CPS1: variants seen among roughly 807,000 people sequenced by gnomAD.
CPS1 encodes the protein carbamoyl-phosphate synthase 1, also known as carbamoyl-phosphate synthase [ammonia], mitochondrial.
CPS1 carries 109 observed loss-of-function variants against 174.6 expected under a neutral mutation model. That is an observed-to-expected ratio of 0.62 (90% confidence interval 0.53 to 0.73). The LOEUF is 0.73. CPS1 is among the 30% of genes least tolerant of loss of function. The probability of loss-of-function intolerance (pLI) is 0.00; values close to 1 mark genes in which losing one functional copy is unlikely to be tolerated. For synonymous variants in CPS1, 637 were observed against 632.0 expected (o/e 1.01, Z -0.12); for missense variants, 1,689 against 1,821.9 (o/e 0.93, Z 1.33).
intron 1 of CPS1, among the ~76,000 whole-genome samples, chr2:210,508,061 T>C (rs2105970867): frequency 6.6e-6 from 1 of 151,960 alleles, no homozygotes; most frequent in Non-Finnish European, 1.5e-5. Context: ...CCACCCCAAA[T>C]CAACAGAATA....
chr2:210,538,999 G>A (rs1042534429), intron 1 of CPS1, among the ~76,000 whole-genome samples: 1 of 152,110 alleles, frequency 6.6e-6, no homozygotes, highest in Non-Finnish European at 1.5e-5. Context: ...GGTACATAGT[G>A]TATTTTATTA....
chr2:210,543,653 A>G (rs1442080763), intron 1 of CPS1, among the ~76,000 whole-genome samples: 4 of 152,092 alleles, frequency 2.6e-5, no homozygotes, highest in Non-Finnish European at 4.4e-5. Flanking sequence ...TTGTAATTAT[A>G]TATTGTGAGA....
At chr2:210,488,276 C>T (rs1286214123) in intron 1 of CPS1, among the ~76,000 whole-genome samples, 2 of 151,978 alleles carry the variant, frequency 1.3e-5, no homozygotes, top group Non-Finnish European at 2.9e-5. Flanking sequence ...ATAATATTCC[C>T]TTTTGTGGTG....
At chr2:210,618,112 A>G (rs1215092340) in intron 21 of CPS1, 1 of 152,070 alleles carries the variant, frequency 6.6e-6, no homozygotes, top group Non-Finnish European at 1.5e-5. Context: ...AACTAAGCAT[A>G]AATAAGGGTA....
Position 210,647,737 on chromosome 2 carries a change from T to C in CPS1, c.3142-126T>C, listed in dbSNP as rs1655782708. ...GGCATCATTTAACAGTATTCATTGG[T>C]AGGAGAGATGTAAATATCACAGTCA... On this transcript the variant is annotated intron_variant, in intron 25 of 37. Coordinates refer to ENST00000233072, the MANE Select transcript of CPS1 (RefSeq NM_001875.5). 3 of 1,201,796 alleles carry C rather than the reference T, an allele frequency of 2.5e-6. No individual in the cohort carries two copies. The Admixed American group carries it at 5.7e-5, about 23-fold the overall frequency. 74.4% of individuals were successfully genotyped at this position (1,201,796 alleles called of 1,614,324 possible). A position where few individuals can be genotyped will look rare whatever the true frequency, so the allele number is the denominator to read the frequency against.
At chr2:210,611,122 A>C (rs73073591) in intron 19 of CPS1, among the ~76,000 whole-genome samples, 3,697 of 151,990 alleles carry the variant, frequency 0.024, 156 homozygotes, top group African/African-American at 0.084. Flanking sequence ...TCTGAATTGC[A>C]TTAACAGGTT....
Position 210,556,612 on chromosome 2 carries a change from C to T in CPS1, c.-122C>T. 4 of 1,519,220 alleles carry T rather than the reference C, an allele frequency of 2.6e-6. No homozygotes were observed. The highest frequency in any genetic ancestry group is 3.5e-6 in the Non-Finnish European group (4 of 1,134,414). 94.1% of individuals were successfully genotyped at this position (1,519,220 alleles called of 1,614,324 possible). A position where few individuals can be genotyped will look rare whatever the true frequency, so the allele number is the denominator to read the frequency against. On this transcript the variant is annotated 5_prime_UTR_variant, in exon 1 of 38. Transcript: ENST00000233072. Reference sequence around the variant, plus strand: ...GAATGGAAATTCAAAGATCGCTGTGCAGTCAGCCTTAAACACTGACTGCAC... The same window carrying T: ...GAATGGAAATTCAAAGATCGCTGTGTAGTCAGCCTTAAACACTGACTGCAC...
At chr2:210,550,059 G>T (rs567643449) in intron 1 of CPS1, among the ~76,000 whole-genome samples, 3 of 151,880 alleles carry the variant, frequency 2.0e-5, no homozygotes, top group Non-Finnish European at 2.9e-5. Flanking sequence ...CTAGAAACGT[G>T]GCTCACAGAT....
chr2:210,561,035 T>G (rs2106046334), intron 1 of CPS1, among the ~76,000 whole-genome samples: 1 of 152,332 alleles, frequency 6.6e-6, no homozygotes, highest in East Asian at 1.9e-4. Flanking sequence ...AATACTTCTC[T>G]AATTGGGAGA....
intron 1 of CPS1, among the ~76,000 whole-genome samples, chr2:210,502,375 A>G (rs1056780735): frequency 9.7e-6 from 1 of 103,084 alleles, no homozygotes; most frequent in South Asian, 3.3e-4. Flanking sequence ...CTCTATATAT[A>G]TATATTTTTT....
At chr2:210,592,785 T>C in intron 10 of CPS1, 94 bp from the exon 11 acceptor site, 1 of 1,280,812 alleles carries the variant, frequency 7.8e-7, no homozygotes, top group African/African-American at 1.5e-5. Context: ...ACTCAGTTTT[T>C]AAATTTGAGC....
intron 1 of CPS1, among the ~76,000 whole-genome samples, chr2:210,560,666 T>C (rs1278729193): frequency 1.3e-5 from 2 of 152,208 alleles, no homozygotes; most frequent in Admixed American, 6.5e-5. Context: ...CACATAGAAG[T>C]ATCTATTTAG....
chr2:210,489,023 A>C (rs1327509639), intron 1 of CPS1, among the ~76,000 whole-genome samples: 1 of 152,182 alleles, frequency 6.6e-6, no homozygotes, highest in Non-Finnish European at 1.5e-5. Flanking sequence ...ATTATTAAGA[A>C]TTATGAAAAT....
chr2:210,665,482 C>A (rs1247378248), intron 33 of CPS1, among the ~76,000 whole-genome samples: 2 of 142,252 alleles, frequency 1.4e-5, no homozygotes, highest in Middle Eastern at 3.3e-3. Context: ...CCCCTCCCCC[C>A]ACTCCACAAC....
chr2:210,488,335 T>A (rs1471788097), intron 1 of CPS1, among the ~76,000 whole-genome samples: 2 of 152,202 alleles, frequency 1.3e-5, no homozygotes, highest in African/African-American at 4.8e-5. Flanking sequence ...GAGTCAGTTG[T>A]CAATGCAAAG....
chr2:210,491,781 G>A (rs1286736021), intron 1 of CPS1, among the ~76,000 whole-genome samples: 1 of 152,186 alleles, frequency 6.6e-6, no homozygotes, highest in Non-Finnish European at 1.5e-5. Context: ...TCTCCTAAGA[G>A]GAATCTTCTG....
At chr2:210,554,230 T>C (rs1174828545), upstream of CPS1, among the ~76,000 whole-genome samples, 3 of 147,200 alleles carry the variant, frequency 2.0e-5, no homozygotes, top group Non-Finnish European at 3.0e-5. Flanking sequence ...CACACATATA[T>C]ATATGTATGT....
chr2:210,621,309 T>C (rs750698960), intron 21 of CPS1, among the ~76,000 whole-genome samples: 2 of 152,194 alleles, frequency 1.3e-5, no homozygotes, highest in Non-Finnish European at 2.9e-5. Context: ...TTGTTATGTG[T>C]ATGCTTTGGA....
intron 34 of CPS1, chr2:210,674,541 C>T (rs1027124576): frequency 9.4e-5 from 20 of 211,660 alleles, no homozygotes; most frequent in Non-Finnish European, 1.8e-4. Flanking sequence ...TAGCCTGACT[C>T]GGTACTGGCT....
Sources: allele counts gnomAD v4.1 joint callset (sites outside exome capture counted in the v4.1 genomes callset), GRCh38; gene constraint gnomAD v4.1.1; transcripts MANE v1.5; gene names NCBI Gene and HGNC (gene_info 2026-07-23, HGNC 2026-07-21).